Variants in ZNF536 observed in about 807,000 individuals in gnomAD.
The protein encoded by ZNF536 is zinc finger protein 536.
A neutral mutation model predicts 84.5 loss-of-function variants in ZNF536; 13 were observed. The observed-to-expected ratio is 0.15, with a 90% confidence interval of 0.10 to 0.24. The LOEUF (loss-of-function observed/expected upper bound fraction) is 0.24. Among genes scored for constraint, ZNF536 ranks in the 10% least tolerant of loss-of-function variants. The probability of loss-of-function intolerance (pLI) is 1.00; values close to 1 mark genes in which losing one functional copy is unlikely to be tolerated. For synonymous variants in ZNF536, 811 were observed against 742.5 expected, an observed-to-expected ratio of 1.09 and a Z score of -1.50; for missense variants, 1,536 against 1,747.5, an observed-to-expected ratio of 0.88 and a Z score of 2.16.
chr19:30,426,200 A>C (rs960070982), intron 1 of ZNF536, among the ~76,000 whole-genome samples: 12 of 152,224 alleles, frequency 7.9e-5, no homozygotes, highest in Non-Finnish European at 1.8e-4. Flanking sequence ...CTGGCTATTA[A>C]AAACCTGCTA....
At chr19:30,383,687 C>T (rs12982423) in intron 1 of ZNF536, among the ~76,000 whole-genome samples, 299 of 13,510 alleles carry the variant, frequency 0.022, 18 homozygotes, top group South Asian at 0.042. Flanking sequence ...TTTCTTCCTT[C>T]CTTTCTTTTC....
chr19:30,388,221 C>A (rs2049426699), intron 1 of ZNF536, among the ~76,000 whole-genome samples: 1 of 152,182 alleles, frequency 6.6e-6, no homozygotes, highest in African/African-American at 2.4e-5. Context: ...ATAAAGAAGA[C>A]CATGGATCGC....
intron 1 of ZNF536, among the ~76,000 whole-genome samples, chr19:30,632,686 CCA>C (rs2048936483): frequency 6.7e-6 from 1 of 148,356 alleles, no homozygotes; most frequent in Non-Finnish European, 1.5e-5. Flanking sequence ...AACCAACCAA[CCA>C]ACCAGAAGTC....
chr19:30,573,743 C>G (rs1410901371), intron 1 of ZNF536, among the ~76,000 whole-genome samples: 1 of 152,150 alleles, frequency 6.6e-6, no homozygotes, highest in African/African-American at 2.4e-5. Context: ...ACAAATTCAC[C>G]TGGAAAACGT....
chr19:30,700,213 C>CTTCTTTCT (rs60390336), intron 1 of ZNF536, among the ~76,000 whole-genome samples: 1,647 of 102,598 alleles, frequency 0.016, 30 homozygotes, highest in African/African-American at 0.043. Flanking sequence ...TCTTTCTTTC[C>CTTCTTTCT]TTCTTTCTTT....
intron 1 of ZNF536, among the ~76,000 whole-genome samples, chr19:30,701,864 T>A (rs558717196): frequency 3.9e-5 from 6 of 152,322 alleles, no homozygotes; most frequent in African/African-American, 1.2e-4. Context: ...CTACTGACAG[T>A]CATGAGGACC....
At chr19:30,545,634 T>A (rs2045522030) in intron 3 of ZNF536, among the ~76,000 whole-genome samples, 1 of 152,026 alleles carries the variant, frequency 6.6e-6, no homozygotes. Flanking sequence ...CCTGACCTTG[T>A]GATCCTCTTG....
At chr19:30,641,486 A>G (rs2049265550) in intron 1 of ZNF536, among the ~76,000 whole-genome samples, 1 of 152,222 alleles carries the variant, frequency 6.6e-6, no homozygotes, top group African/African-American at 2.4e-5. Context: ...ACGTATATGT[A>G]TAAACGTATG....
At position 30,507,132 on chromosome 19, in the gene ZNF536, C is replaced by T. The variant is rs116335881; in HGVS notation, c.2171-27715C>T. On this transcript the variant is annotated intron_variant, in intron 2 of 4. Coordinates refer to ENST00000355537, the MANE Select transcript of ZNF536 (RefSeq NM_014717.3). ...ATCCCAGCACTTCAGGAGGTGGAGG[C>T]GGGTGGATCACCTGATGTCAGGAGT... Among the ~76,000 whole-genome samples, 420 of 152,204 alleles carry T rather than the reference C, an allele frequency of 2.8e-3. 1 individual carries two copies. The highest frequency in any genetic ancestry group is 9.2e-3 in the African/African-American group (384 of 41,530).
intron 1 of ZNF536, among the ~76,000 whole-genome samples, chr19:30,247,045 C>A (rs1169906484): frequency 6.6e-6 from 1 of 152,220 alleles, no homozygotes; most frequent in East Asian, 1.9e-4. Flanking sequence ...GTTCTTCCAG[C>A]TTTCCGCTGG....
chr19:30,677,839 G>A (rs1047782537), intron 1 of ZNF536, among the ~76,000 whole-genome samples: 1 of 152,138 alleles, frequency 6.6e-6, no homozygotes, highest in Admixed American at 6.5e-5. Context: ...GGGGGGACTT[G>A]GTGATCCCTG....
At chr19:30,526,808 C>T (rs1033813160) in intron 2 of ZNF536, among the ~76,000 whole-genome samples, 1 of 151,686 alleles carries the variant, frequency 6.6e-6, no homozygotes, top group Non-Finnish European at 1.5e-5. Context: ...GATCTTGAAG[C>T]CCTGGTATAT....
chr19:30,425,839 G>T (rs868365881), intron 1 of ZNF536, among the ~76,000 whole-genome samples: 30 of 152,342 alleles, frequency 2.0e-4, no homozygotes, highest in Middle Eastern at 6.8e-3. Context: ...AGGAAGAGGG[G>T]TTCTCCCATG....
chr19:30,271,568 C>A (rs368078484), intron 1 of ZNF536, among the ~76,000 whole-genome samples: 27 of 152,210 alleles, frequency 1.8e-4, no homozygotes, highest in African/African-American at 6.3e-4. Context: ...GCGAAATGAG[C>A]AAAACCCCAC....
intron 1 of ZNF536, among the ~76,000 whole-genome samples, chr19:30,632,470 G>A (rs1291326403): frequency 2.0e-5 from 3 of 152,140 alleles, no homozygotes; most frequent in Non-Finnish European, 4.4e-5. Flanking sequence ...GCCAGGCATG[G>A]TGGCAGGCGC....
At chr19:30,473,037 C>CAAAAAAAAA (rs57627848) in intron 2 of ZNF536, among the ~76,000 whole-genome samples, 1 of 107,372 alleles carries the variant, frequency 9.3e-6, no homozygotes. Context: ...ACTAAGAATA[C>CAAAAAAAAA]AAAAAAAAAA....
chr19:30,678,742 C>CT (rs1555835791), intron 1 of ZNF536, among the ~76,000 whole-genome samples: 2 of 150,546 alleles, frequency 1.3e-5, no homozygotes, highest in Non-Finnish European at 3.0e-5. Flanking sequence ...AGCCCCCCCA[C>CT]ACACACCTAT....
chr19:30,333,625 C>A (rs745791960), intron 2 of ZNF536, among the ~76,000 whole-genome samples: 2 of 152,204 alleles, frequency 1.3e-5, no homozygotes, highest in Non-Finnish European at 2.9e-5. Context: ...CAGTGTCTAC[C>A]TTCTGCCATT....
chr19:30,557,041 C>G (rs2045991028), intron 4 of ZNF536, 116 bp from the exon 5 acceptor site: 6 of 1,175,804 alleles, frequency 5.1e-6, no homozygotes, highest in Non-Finnish European at 7.4e-6. Context: ...ATAAATAACA[C>G]TTTATTGTCA....
Sources: gnomAD v4.1 joint callset for allele counts (sites outside exome capture counted in the v4.1 genomes callset) on GRCh38, gnomAD v4.1.1 for gene constraint, MANE v1.5 for transcripts, NCBI Gene and HGNC (gene_info 2026-07-23, HGNC 2026-07-21) for gene names.